Variants in NLRC5 observed in about 807,000 individuals in gnomAD.
The protein encoded by NLRC5 is NLR family CARD domain containing 5, also known as protein NLRC5.
NLRC5 carries 114 observed loss-of-function variants against 206.9 expected under a neutral mutation model. The observed-to-expected ratio is 0.55, with a 90% CI of 0.47 to 0.64. The LOEUF (loss-of-function observed/expected upper bound fraction) is 0.64, where lower values mean the gene tolerates loss of function less well. Ranked by LOEUF, NLRC5 falls within the 30% of genes least tolerant of loss-of-function variation. NLRC5 has a pLI of 0.00. For missense variants in NLRC5, 2,008 were observed against 2,305.5 expected (o/e 0.87, Z 2.64); for synonymous variants, 952 against 962.8 (o/e 0.99, Z 0.21).
At chr16:57,070,276 C>T (rs1434756399) in intron 37 of NLRC5, among the ~76,000 whole-genome samples, 1 of 151,588 alleles carries the variant, frequency 6.6e-6, no homozygotes, top group African/African-American at 2.4e-5. Context: ...TGTCCCTAGT[C>T]CCCCAGCTTC....
At chr16:57,048,112 C>T (rs75719766) in intron 23 of NLRC5, 5,405 of 157,676 alleles carry the variant, frequency 0.034, 111 homozygotes, top group South Asian at 0.062. Flanking sequence ...TTTAACTCCC[C>T]GGGCCTCAGC....
At chr16:57,036,497 T>G (rs2143293505) in intron 14 of NLRC5, among the ~76,000 whole-genome samples, 2 of 147,548 alleles carry the variant, frequency 1.4e-5, no homozygotes, top group Non-Finnish European at 1.5e-5. Context: ...GGTGTCAGGG[T>G]GGGTGGGATG....
intron 39 of NLRC5, among the ~76,000 whole-genome samples, chr16:57,075,089 G>T (rs2068229408): frequency 7.2e-6 from 1 of 139,100 alleles, no homozygotes; most frequent in African/African-American, 2.8e-5. Flanking sequence ...GAGTGCAGTG[G>T]CAATGCACAG....
intron 23 of NLRC5, 125 bp downstream of exon 23, chr16:57,047,753 T>G: frequency 1.2e-6 from 1 of 801,072 alleles, no homozygotes. Flanking sequence ...CCCTGCCCCA[T>G]GAGAGTCCCC....
chr16:57,079,139 T>A lies in NLRC5; in HGVS notation c.5165+6T>A. ...CCCCATTTGGAAGAGATCAGGTAAG[T>A]AGGGGCTGCCCAGCCCAGGCACGGG... On this transcript the variant is annotated splice_donor_region_variant and intron_variant, in intron 44 of 48. Transcript: ENST00000688547. 1 of 1,614,044 alleles carries A rather than the reference T, an allele frequency of 6.2e-7. No individual in the cohort carries two copies. The highest frequency in any genetic ancestry group is 1.1e-5 in the South Asian group (1 of 91,078).
chr16:57,001,254 C>A (rs540662947), intron 1 of NLRC5, among the ~76,000 whole-genome samples: 1 of 152,316 alleles, frequency 6.6e-6, no homozygotes, highest in Non-Finnish European at 1.5e-5. Flanking sequence ...CTTTCTGTTT[C>A]TTTGAGGTAT....
intron 39 of NLRC5, among the ~76,000 whole-genome samples, chr16:57,075,100 G>C (rs1259984268): frequency 7.4e-6 from 1 of 134,982 alleles, no homozygotes; most frequent in Non-Finnish European, 1.5e-5. Flanking sequence ...CAATGCACAG[G>C]TGCAATCGTG....
rs1320154124 is a variant in NLRC5 at position 57,054,688 on chromosome 16, C to T, written c.3507-63C>T. On this transcript the variant is annotated intron_variant, in intron 24 of 48. Coordinates refer to ENST00000688547, the MANE Select transcript of NLRC5 (RefSeq NM_001384950.1). ...CCCTCCCCACCCTCCCTTTCCTTACCCTCCAGGCTAGCCAGGTTCCTTGTC... is the reference window on the plus strand; with the variant it reads ...CCCTCCCCACCCTCCCTTTCCTTACTCTCCAGGCTAGCCAGGTTCCTTGTC... The T allele has an allele frequency of 6.6e-6, 8 of 1,205,908 alleles. No individual in the cohort carries two copies. The East Asian group carries it at 1.9e-4, about 28-fold the overall frequency. The allele number at this position is 1,205,908 out of a possible 1,614,324, so 74.7% of individuals were successfully genotyped here.
At chr16:57,059,631 CT>C in intron 30 of NLRC5, 99 bp downstream of exon 30, 2 of 1,145,084 alleles carry the variant, frequency 1.7e-6, no homozygotes, top group Non-Finnish European at 2.4e-6. Context: ...CCCTCTCCTC[CT>C]TTAGAGAGCA....
intron 13 of NLRC5, among the ~76,000 whole-genome samples, chr16:57,035,217 A>C (rs1460655381): frequency 2.6e-5 from 4 of 151,778 alleles, no homozygotes; most frequent in Non-Finnish European, 5.9e-5. Context: ...TAGCGCTCAA[A>C]ACTATCCTCT....
intron 1 of NLRC5, among the ~76,000 whole-genome samples, chr16:57,010,924 A>C (rs2059419567): frequency 6.6e-6 from 1 of 151,976 alleles, no homozygotes; most frequent in Non-Finnish European, 1.5e-5. Context: ...CAAAATGTGC[A>C]CATTAAAAAG....
chr16:57,077,910 CAGT>C, intron 42 of NLRC5, 30 bp from the exon 43 acceptor site: 1 of 1,611,774 alleles, frequency 6.2e-7, no homozygotes, highest in Non-Finnish European at 8.5e-7. Flanking sequence ...TGGGCAGGCC[CAGT>C]ACTCAATGCT....
At chr16:57,020,350 C>T (rs987465684) in intron 2 of NLRC5, among the ~76,000 whole-genome samples, 1 of 147,474 alleles carries the variant, frequency 6.8e-6, no homozygotes, top group Non-Finnish European at 1.5e-5. Context: ...ATCTTCCTTC[C>T]AGTTCCCCTG....
At chr16:57,031,595 G>A (rs1158483030) in intron 11 of NLRC5, 132 bp downstream of exon 11, 2 of 816,886 alleles carry the variant, frequency 2.4e-6, no homozygotes, top group South Asian at 1.5e-5. Context: ...CTGCTGCACT[G>A]AGGAATGAAT....
chr16:57,006,494 C>T (rs1365475581), intron 1 of NLRC5, among the ~76,000 whole-genome samples: 1 of 141,566 alleles, frequency 7.1e-6, no homozygotes, highest in Non-Finnish European at 1.5e-5. Flanking sequence ...TCTCAGCTTA[C>T]CTCAACCTCC....
intron 40 of NLRC5, 65 bp from the exon 41 acceptor site, chr16:57,077,231 T>G: frequency 6.9e-7 from 1 of 1,455,938 alleles, no homozygotes; most frequent in Non-Finnish European, 9.6e-7. Context: ...CCCTTCTTTT[T>G]CTGGGAGTGG....
chr16:57,016,627 AAACT>A (rs1440633418), intron 1 of NLRC5, among the ~76,000 whole-genome samples: 1 of 152,354 alleles, frequency 6.6e-6, no homozygotes, highest in Non-Finnish European at 1.5e-5. Flanking sequence ...ATTGTTTAAA[AAACT>A]AACTAAATAG....
At chr16:57,027,816 CAT>C (rs1343455652) in intron 6 of NLRC5, among the ~76,000 whole-genome samples, 2 of 152,232 alleles carry the variant, frequency 1.3e-5, no homozygotes, top group Non-Finnish European at 2.9e-5. Flanking sequence ...TTGGTGAGAA[CAT>C]AGTCACCTGG....
At position 57,077,290 on chromosome 16, in the gene NLRC5, C is replaced by T; in HGVS notation, c.4836-6C>T. 6.2e-7 allele frequency: 1 copy of T among 1,613,832 alleles called. No individual in the cohort carries two copies. The highest frequency in any genetic ancestry group is 8.5e-7 in the Non-Finnish European group (1 of 1,179,800). On this transcript the variant is annotated splice_region_variant and splice_polypyrimidine_tract_variant and intron_variant, in intron 40 of 48. Coordinates refer to ENST00000688547, the MANE Select transcript of NLRC5 (RefSeq NM_001384950.1). ...GAAGGCTGATGAAGCTGTTTTCTCC[C>T]CCAAGCTTGAGCCACAACCAGATTG...
Sources: allele counts gnomAD v4.1 joint callset (sites outside exome capture counted in the v4.1 genomes callset), GRCh38; gene constraint gnomAD v4.1.1; transcripts MANE v1.5; gene names NCBI Gene and HGNC (gene_info 2026-07-23, HGNC 2026-07-21).